Variants in WDSUB1 observed in about 807,000 individuals in gnomAD.
WDSUB1 encodes WD repeat, SAM and U-box domain-containing protein 1.
WDSUB1 carries 49 observed loss-of-function variants against 53.9 expected under a neutral mutation model. The observed-to-expected ratio is 0.91, with a 90% confidence interval of 0.72 to 1.15. The LOEUF is 1.15. Among genes scored for constraint, WDSUB1 ranks in the 50% most tolerant of loss-of-function variants. The pLI, the probability that WDSUB1 is intolerant of heterozygous loss-of-function variation, is 0.00. For synonymous variants in WDSUB1, 194 were observed against 200.6 expected (o/e 0.97, Z 0.28); for missense variants, 514 against 562.0 (o/e 0.91, Z 0.86).
intron 4 of WDSUB1, among the ~76,000 whole-genome samples, chr2:159,275,032 G>C (rs2061511989): frequency 6.6e-6 from 1 of 151,990 alleles, no homozygotes; most frequent in South Asian, 2.1e-4. Flanking sequence ...AAATGTGGGG[G>C]ATAAAAAAAG....
intron 1 of WDSUB1, among the ~76,000 whole-genome samples, chr2:159,284,032 G>T (rs574741907): frequency 6.6e-6 from 1 of 152,144 alleles, no homozygotes; most frequent in Admixed American, 6.5e-5. Flanking sequence ...GCCAGGTCTT[G>T]AACTCCTGGC....
intron 3 of WDSUB1, among the ~76,000 whole-genome samples, chr2:159,276,626 G>A (rs2061547077): frequency 6.6e-6 from 1 of 152,162 alleles, no homozygotes; most frequent in Non-Finnish European, 1.5e-5. Context: ...TTTGGATAAT[G>A]TAAATATTGA....
chr2:159,275,439 T>A, intron 4 of WDSUB1, 107 bp downstream of exon 4: 1 of 880,662 alleles, frequency 1.1e-6, no homozygotes, highest in Non-Finnish European at 1.7e-6. Flanking sequence ...TAAACCATAT[T>A]TTAATACTTA....
In WDSUB1 at chr2:159,279,027, T is replaced by G. The variant is rs377207035; in HGVS notation, c.583+734A>C. Among the ~76,000 whole-genome samples, 72 of 152,326 alleles carry G rather than the reference T, an allele frequency of 4.7e-4. No homozygotes were observed. In the East Asian group the frequency reaches 0.012, roughly 26 times the overall value. On this transcript the variant is annotated intron_variant, in intron 3 of 10. Coordinates refer to ENST00000359774, the MANE Select transcript of WDSUB1 (RefSeq NM_001128212.3). The stretch of plus-strand genomic sequence containing the variant: ...TCTTATTAATAATTTTTATTATCAA[T>G]TATTGAAACTACATTGTAGATATAT...
intron 5 of WDSUB1, among the ~76,000 whole-genome samples, chr2:159,269,594 G>GA (rs1245594350): frequency 6.6e-6 from 1 of 152,184 alleles, no homozygotes; most frequent in African/African-American, 2.4e-5. Flanking sequence ...AGCAGCCAGA[G>GA]AAAAACACAT....
At position 159,257,838 on chromosome 2, in the gene WDSUB1, G is replaced by A; in HGVS notation, c.872C>T (p.Pro291Leu). 1 of 1,614,122 alleles carries A rather than the reference G, an allele frequency of 6.2e-7. No individual in the cohort carries two copies. The highest frequency in any genetic ancestry group is 2.2e-5 in the East Asian group (1 of 44,890). Reference protein sequence around the residue: ...TRYVTTCAFAPNTLLLATGSM... With the variant: ...TRYVTTCAFALNTLLLATGSM... The stretch of plus-strand genomic sequence containing the variant: ...ACCAGTAGCAAGTAAAAGGGTATTA[G>A]GTGCAAAAGCACAAGTTGTGACATA... The change falls in exon 8 of 11, where the codon CCT (proline) becomes CTT (leucine). Residue 291 changes from proline to leucine, a missense_variant. Physicochemically the swap from Pro to Leu is moderately conservative, Grantham distance 98 (BLOSUM62 -3). Transcript: ENST00000359774.
intron 4 of WDSUB1, 86 bp downstream of exon 4, chr2:159,275,460 C>T (rs1314814037): frequency 1.8e-6 from 2 of 1,093,196 alleles, no homozygotes; most frequent in South Asian, 1.6e-5. Context: ...CTTTTAGATA[C>T]TCAAGGTACC....
At chr2:159,249,213 G>A (rs539077034) in intron 9 of WDSUB1, among the ~76,000 whole-genome samples, 124 of 152,214 alleles carry the variant, frequency 8.1e-4, no homozygotes, top group Admixed American at 1.4e-3. Context: ...GCCATGTTAC[G>A]ATATTTTTAA....
intron 9 of WDSUB1, among the ~76,000 whole-genome samples, chr2:159,254,604 G>T (rs759570319): frequency 1.3e-5 from 2 of 152,040 alleles, no homozygotes; most frequent in African/African-American, 4.8e-5. Flanking sequence ...TATAAAAATA[G>T]AATTGTATTT....
intron 5 of WDSUB1, among the ~76,000 whole-genome samples, chr2:159,269,946 A>G (rs1192582150): frequency 6.6e-6 from 1 of 152,232 alleles, no homozygotes; most frequent in Admixed American, 6.5e-5. Flanking sequence ...GAGGAATCAG[A>G]CAAGGCCTGT....
intron 9 of WDSUB1, among the ~76,000 whole-genome samples, chr2:159,252,758 A>T (rs542555361): frequency 6.6e-6 from 1 of 152,364 alleles, no homozygotes; most frequent in African/African-American, 2.4e-5. Flanking sequence ...CGAGGATACT[A>T]AGACAGGTGA....
At chr2:159,254,988 G>A (rs763071190) in intron 9 of WDSUB1, among the ~76,000 whole-genome samples, 4 of 152,094 alleles carry the variant, frequency 2.6e-5, no homozygotes, top group Non-Finnish European at 1.5e-5. Context: ...AAATAAGCTG[G>A]GCGTGGTAGC....
chr2:159,249,034 T>TCAG, intron 9 of WDSUB1, among the ~76,000 whole-genome samples: 1 of 152,334 alleles, frequency 6.6e-6, no homozygotes, highest in East Asian at 1.9e-4. Context: ...TTAAAATATA[T>TCAG]CAGCAGCTAA....
chr2:159,284,866 T>C (rs1337855663), intron 1 of WDSUB1, among the ~76,000 whole-genome samples: 2 of 152,140 alleles, frequency 1.3e-5, no homozygotes, highest in Non-Finnish European at 2.9e-5. Context: ...CTAACAGTCT[T>C]CCGTCTCCAT....
intron 9 of WDSUB1, among the ~76,000 whole-genome samples, 153 bp from the exon 10 acceptor site, chr2:159,248,665 A>C (rs771299478): frequency 2.0e-5 from 3 of 152,092 alleles, no homozygotes; most frequent in Non-Finnish European, 4.4e-5. Context: ...TGCAGTGGCA[A>C]AACGATCACC....
chr2:159,255,398 C>G (rs886092065), intron 9 of WDSUB1, among the ~76,000 whole-genome samples: 1 of 151,794 alleles, frequency 6.6e-6, no homozygotes, highest in Non-Finnish European at 1.5e-5. Flanking sequence ...ACCTGGGAGG[C>G]GGAGCTTGCA....
intron 10 of WDSUB1, among the ~76,000 whole-genome samples, chr2:159,244,254 A>G (rs2060732125): frequency 6.6e-6 from 1 of 152,208 alleles, no homozygotes; most frequent in African/African-American, 2.4e-5. Flanking sequence ...GGATTCATAC[A>G]AATTGGAAAG....
intron 1 of WDSUB1, among the ~76,000 whole-genome samples, chr2:159,284,115 G>A (rs2061736380): frequency 6.6e-6 from 1 of 152,048 alleles, no homozygotes; most frequent in Admixed American, 6.6e-5. Flanking sequence ...CCCGGCCAAG[G>A]GAGCTCTGTT....
At chr2:159,281,763 G>A (rs1160800385) in intron 2 of WDSUB1, among the ~76,000 whole-genome samples, 1 of 152,168 alleles carries the variant, frequency 6.6e-6, no homozygotes, top group Non-Finnish European at 1.5e-5. Flanking sequence ...ATCACATGAG[G>A]TCAGGAGTTC....
Sources: allele counts gnomAD v4.1 joint callset (sites outside exome capture counted in the v4.1 genomes callset), GRCh38; gene constraint gnomAD v4.1.1; transcripts MANE v1.5; gene names NCBI Gene and HGNC (gene_info 2026-07-23, HGNC 2026-07-21).